GNAI1: variants seen among roughly 807,000 people sequenced by gnomAD.
GNAI1 encodes guanine nucleotide-binding protein G(i) subunit alpha-1.
In GNAI1, 11 loss-of-function variants were observed where a neutral mutation model predicts 38.9. The observed-to-expected ratio is 0.28, with a 90% CI of 0.18 to 0.47. The LOEUF is 0.47. Among genes scored for constraint, GNAI1 ranks in the 20% least tolerant of loss-of-function variants. GNAI1 has a pLI of 0.99. For synonymous variants in GNAI1, 166 were observed against 145.1 expected, an observed-to-expected ratio of 1.14 and a Z score of -1.04; for missense variants, 317 against 436.9, an observed-to-expected ratio of 0.73 and a Z score of 2.45.
intron 1 of GNAI1, among the ~76,000 whole-genome samples, chr7:80,168,664 T>C (rs1461906782): frequency 6.6e-6 from 1 of 152,198 alleles, no homozygotes; most frequent in Non-Finnish European, 1.5e-5. Flanking sequence ...ATTACAGGCG[T>C]GAGCCACCGC....
chr7:80,186,616 A>G (rs989511241), intron 1 of GNAI1, among the ~76,000 whole-genome samples: 1 of 152,250 alleles, frequency 6.6e-6, no homozygotes, highest in African/African-American at 2.4e-5. Context: ...AGCTTACATC[A>G]CTTGAACCTT....
intron 1 of GNAI1, among the ~76,000 whole-genome samples, chr7:80,143,076 G>A (rs1787553732): frequency 6.6e-6 from 1 of 152,150 alleles, no homozygotes; most frequent in Non-Finnish European, 1.5e-5. Context: ...CTGCTCAGAG[G>A]CTCACCAGCA....
chr7:80,220,872 C>G lies in GNAI1; in HGVS notation c.*3379C>G, dbSNP rs368763013. Among the ~76,000 whole-genome samples, 9 of 152,104 alleles carry G rather than the reference C, an allele frequency of 5.9e-5. No individual in the cohort carries two copies. The highest frequency in any genetic ancestry group is 1.5e-5 in the Non-Finnish European group (1 of 68,032). On this transcript the variant is annotated 3_prime_UTR_variant, in exon 8 of 8. Coordinates refer to ENST00000649796, the MANE Select transcript of GNAI1 (RefSeq NM_002069.6). ...TGTGTAAGTAGTGTTTCGCCTATCC[C>G]CACTCTGCCCTTGAGTTCCTCTGAG...
chr7:80,161,843 C>A, intron 1 of GNAI1, among the ~76,000 whole-genome samples: 1 of 152,032 alleles, frequency 6.6e-6, no homozygotes, highest in Non-Finnish European at 1.5e-5. Flanking sequence ...TGGAATTATA[C>A]AGTATGATTG....
At chr7:80,201,050 C>G (rs1788678101) in intron 4 of GNAI1, among the ~76,000 whole-genome samples, 1 of 152,146 alleles carries the variant, frequency 6.6e-6, no homozygotes, top group Admixed American at 6.6e-5. Flanking sequence ...TGTGTTTTTA[C>G]CTAATATTGT....
chr7:80,156,042 CA>C lies in GNAI1; in HGVS notation c.118+20785del, dbSNP rs1182960135. 2.4e-3 allele frequency among the ~76,000 whole-genome samples: 165 copies of C among 68,522 alleles called. 1 individual carries two copies. The highest frequency in any genetic ancestry group is 9.4e-3 in the Middle Eastern group (1 of 106). The allele number at this position is 68,522 out of a possible 152,430, so 45.0% of individuals were successfully genotyped here. On this transcript the variant is annotated intron_variant, in intron 1 of 7. Transcript: ENST00000649796. ...TGGGCAACAGAGCAAGACTCTGTCTCAAAAAAAAAAAAAAAAAAAAAGAAAG... is the reference window on the plus strand; with the variant it reads ...TGGGCAACAGAGCAAGACTCTGTCTCAAAAAAAAAAAAAAAAAAAAGAAAG...
chr7:80,220,703 T>C lies in GNAI1; in HGVS notation c.*3210T>C, dbSNP rs763925494. Among the ~76,000 whole-genome samples the C allele has an allele frequency of 1.3e-5, 2 of 152,322 alleles. No individual in the cohort carries two copies. The highest frequency in any genetic ancestry group is 3.4e-3 in the Middle Eastern group (1 of 294). ...ACTGATTAAAATCCATATGTTCTCA[T>C]TGAATACTGACAGTAACTAGAGATC... On this transcript the variant is annotated 3_prime_UTR_variant, in exon 8 of 8. Transcript: ENST00000649796.
intron 1 of GNAI1, among the ~76,000 whole-genome samples, chr7:80,145,433 A>G (rs1468010630): frequency 1.3e-5 from 2 of 152,092 alleles, no homozygotes; most frequent in Non-Finnish European, 2.9e-5. Flanking sequence ...TGGGCTTCTC[A>G]TTCGAACTTA....
At position 80,219,945 on chromosome 7, in the gene GNAI1, C is replaced by T. The variant is rs1789042435; in HGVS notation, c.*2452C>T. On this transcript the variant is annotated 3_prime_UTR_variant, in exon 8 of 8. Coordinates refer to ENST00000649796, the MANE Select transcript of GNAI1 (RefSeq NM_002069.6). ...TTGTTTGTTTTCCTTTCTATTCCTA[C>T]TACTACCTATTCAAGTCTTTGCTAA... Among the ~76,000 whole-genome samples, 1 of 152,242 alleles carries T rather than the reference C, an allele frequency of 6.6e-6. No individual in the cohort carries two copies. The highest frequency in any genetic ancestry group is 1.5e-5 in the Non-Finnish European group (1 of 68,010).
rs765148271 is a variant in GNAI1, at chr7:80,189,209, A to C, written c.281A>C (p.Asp94Ala). ...AGGGCTATGGGGAGGTTGAAGATAG[A>C]CTTTGGTGACTCAGCCCGGGCGGTA... is the stretch of plus-strand genomic sequence containing the variant. ...IIRAMGRLKI[D>A]FGDSARADDA... Residue 94 changes from aspartate (D) to alanine (A), a missense_variant, in exon 3 of 8, where the codon GAC (aspartate) becomes GCC (alanine). Asp to Ala is a moderately radical substitution (Grantham distance 126). Coordinates refer to ENST00000649796, the MANE Select transcript of GNAI1 (RefSeq NM_002069.6). 6.2e-7 allele frequency: 1 copy of C among 1,610,124 alleles called. No individual in the cohort carries two copies. Among genetic ancestry groups the C allele is most frequent in the Admixed American group, 1.7e-5 (1 of 58,680 alleles).
intron 7 of GNAI1, among the ~76,000 whole-genome samples, 158 bp from the exon 8 acceptor site, chr7:80,217,143 AAT>A (rs954960430): frequency 3.9e-5 from 6 of 152,126 alleles, no homozygotes; most frequent in African/African-American, 1.4e-4. Flanking sequence ...ATTTAGAAGA[AAT>A]AGTGTCTCCC....
intron 3 of GNAI1, among the ~76,000 whole-genome samples, chr7:80,193,645 A>G (rs1198619688): frequency 6.6e-6 from 1 of 152,212 alleles, no homozygotes; most frequent in Non-Finnish European, 1.5e-5. Flanking sequence ...AATGTGATTC[A>G]TGGACTTGTG....
At chr7:80,166,950 A>G (rs1788019248) in intron 1 of GNAI1, among the ~76,000 whole-genome samples, 1 of 152,184 alleles carries the variant, frequency 6.6e-6, no homozygotes, top group South Asian at 2.1e-4. Context: ...TCATGATTAG[A>G]GTATATTACC....
intron 6 of GNAI1, among the ~76,000 whole-genome samples, chr7:80,212,500 G>C (rs939858827): frequency 2.0e-5 from 3 of 152,180 alleles, no homozygotes; most frequent in Admixed American, 1.3e-4. Context: ...GTGGGCACTT[G>C]GCAAGTAAAA....
At chr7:80,142,226 A>G (rs1271498504) in intron 1 of GNAI1, among the ~76,000 whole-genome samples, 1 of 152,064 alleles carries the variant, frequency 6.6e-6, no homozygotes, top group African/African-American at 2.4e-5. Context: ...ATTTCCCATT[A>G]TCTTCATCAG....
At chr7:80,176,992 A>G (rs1788193571) in intron 1 of GNAI1, among the ~76,000 whole-genome samples, 1 of 150,012 alleles carries the variant, frequency 6.7e-6, no homozygotes, top group Non-Finnish European at 1.5e-5. Flanking sequence ...TGCTCTGTAA[A>G]TGGAAGAACA....
At chr7:80,201,327 T>G (rs886520778) in intron 4 of GNAI1, among the ~76,000 whole-genome samples, 1 of 152,176 alleles carries the variant, frequency 6.6e-6, no homozygotes, top group Non-Finnish European at 1.5e-5. Context: ...AATGACAGAT[T>G]GAAGTTCTCT....
intron 5 of GNAI1, among the ~76,000 whole-genome samples, chr7:80,206,373 A>G (rs980041374): frequency 1.4e-5 from 2 of 144,230 alleles, no homozygotes; most frequent in Non-Finnish European, 1.5e-5. Context: ...TTCAGTGGAC[A>G]TTTTACGCTG....
At chr7:80,155,724 G>A (rs529621352) in intron 1 of GNAI1, among the ~76,000 whole-genome samples, 59 of 150,258 alleles carry the variant, frequency 3.9e-4, no homozygotes, top group African/African-American at 1.4e-3. Context: ...ACAGTTAGAT[G>A]TTTAAGAAAA....
Sources: allele counts gnomAD v4.1 joint callset (sites outside exome capture counted in the v4.1 genomes callset), GRCh38; gene constraint gnomAD v4.1.1; transcripts MANE v1.5; gene names NCBI Gene and HGNC (gene_info 2026-07-23, HGNC 2026-07-21).